Variants in RNF207 observed in about 807,000 individuals in gnomAD.
RNF207 encodes the protein ring finger protein 207.
Under a neutral mutation model 79.0 loss-of-function variants are expected in RNF207, and 72 were observed. That is an observed-to-expected ratio of 0.91 (90% CI 0.75 to 1.11). The LOEUF (loss-of-function observed/expected upper bound fraction) is 1.11, where lower values mean the gene tolerates loss of function less well. Ranked by LOEUF, RNF207 falls within the 50% of genes least tolerant of loss-of-function variation. The pLI, the probability that RNF207 is intolerant of heterozygous loss-of-function variation, is 0.00. For missense variants in RNF207, 936 were observed against 855.8 expected (o/e 1.09, Z -1.17); for synonymous variants, 348 against 366.2 (o/e 0.95, Z 0.57).
At chr1:6,208,653 C>A in intron 3 of RNF207, 1 of 543,194 alleles carries the variant, frequency 1.8e-6, no homozygotes, top group Non-Finnish European at 3.2e-6. Flanking sequence ...TCCCCGCGTC[C>A]CCCACCCCCC....
chr1:6,219,263 G>A lies in RNF207; in HGVS notation c.1761G>A (p.Lys587=), dbSNP rs1018053922. 3 of 1,612,050 alleles carry A rather than the reference G, an allele frequency of 1.9e-6. No individual in the cohort carries two copies. Among genetic ancestry groups the A allele is most frequent in the Admixed American group, 1.7e-5 (1 of 59,522 alleles). Reference sequence around the variant, plus strand: ...ATAATCCAGGAAGTGTCCCGGAAAAGAGAGAGAAGACATCAGAGCCTAAAG... The same window carrying A: ...ATAATCCAGGAAGTGTCCCGGAAAAAAGAGAGAAGACATCAGAGCCTAAAG... ...ARNNPGSVPE[K]REKTSEPKGN... Residue 587 remains lysine, a synonymous_variant, in exon 18 of 18, where the codon AAG becomes AAA. Transcript: ENST00000377939.
In RNF207 at chr1:6,221,284, A is replaced by T. The variant is rs545214391; in HGVS notation, c.*1877A>T. 1 of 152,792 alleles carries T rather than the reference A, an allele frequency of 6.5e-6. No homozygotes were observed. Among genetic ancestry groups the T allele is most frequent in the South Asian group, 2.1e-4 (1 of 4,834 alleles). The allele number at this position is 152,792 out of a possible 1,614,324, so 9.5% of individuals were successfully genotyped here. The stretch of plus-strand genomic sequence containing the variant: ...TCCAATTTAGAATATTTAAATAAAC[A>T]TTTATGTAAAAAGAAGAGTAGAATA... On this transcript the variant is annotated 3_prime_UTR_variant, in exon 18 of 18. Coordinates refer to ENST00000377939, the MANE Select transcript of RNF207 (RefSeq NM_207396.3).
chr1:6,210,684 G>A (rs906913088), intron 10 of RNF207, 186 bp from the exon 11 acceptor site: 47 of 661,320 alleles, frequency 7.1e-5, no homozygotes, highest in Non-Finnish European at 1.1e-4. Flanking sequence ...GAGTCCAGCC[G>A]CCCCCTCTCC....
rs771789696 is a variant in RNF207 at position 6,210,215 on chromosome 1, T to G, written c.801-8T>G. 6.2e-7 allele frequency: 1 copy of G among 1,608,168 alleles called. No homozygotes were observed. Among genetic ancestry groups the G allele is most frequent in the South Asian group, 1.1e-5 (1 of 90,770 alleles). The stretch of plus-strand genomic sequence containing the variant: ...CCCCCTGGAAACCAGGCAGCCCCCC[T>G]CCCCCAGCCAATACGAAGAGAAGGA... On this transcript the variant is annotated splice_region_variant and splice_polypyrimidine_tract_variant and intron_variant, in intron 8 of 17. Coordinates refer to ENST00000377939, the MANE Select transcript of RNF207 (RefSeq NM_207396.3).
chr1:6,215,940 G>C lies in RNF207; in HGVS notation c.1653-2349G>C, dbSNP rs537702842. Among the ~76,000 whole-genome samples, 545 of 152,356 alleles carry C rather than the reference G, an allele frequency of 3.6e-3. 3 individuals are homozygous for C. The highest frequency in any genetic ancestry group is 0.013 in the African/African-American group (530 of 41,578). ...CAGGGCTGGAGCCATGAGGCAGATC[G>C]GAAGCTCTGAGCACAAGGGTGGTAC... is the stretch of plus-strand genomic sequence containing the variant. On this transcript the variant is annotated intron_variant, in intron 16 of 17. Transcript: ENST00000377939.
rs1668082920 is a variant in RNF207, at chr1:6,209,839, A to G, written c.754-85A>G. 7.2e-6 allele frequency: 10 copies of G among 1,391,316 alleles called. No individual in the cohort carries two copies. The East Asian group carries it at 2.3e-4, about 32-fold the overall frequency. The allele number at this position is 1,391,316 out of a possible 1,614,324, so 86.2% of individuals were successfully genotyped here. ...TGGAGAGATACCTAGTGTAACCAGC[A>G]GGTGGCTGGGGTCCGGGGGGTAGGC... On this transcript the variant is annotated intron_variant, in intron 7 of 17. Transcript: ENST00000377939.
Position 6,207,823 on chromosome 1 carries a change from G to A in RNF207, c.324+312G>A. Reference sequence around the variant, plus strand: ...ACAGGAGGGGCAGTCCAGTTTGCAGGCCTGGGCCGACCCTGAAGGGCCTCT... The same window carrying A: ...ACAGGAGGGGCAGTCCAGTTTGCAGACCTGGGCCGACCCTGAAGGGCCTCT... On this transcript the variant is annotated intron_variant, in intron 3 of 17. Transcript: ENST00000377939. The surrounding 1 kb of genome is among the most constrained non-coding windows in gnomAD (Gnocchi z 4.5). The A allele has an allele frequency of 1.8e-6, 1 of 566,404 alleles. No individual in the cohort carries two copies. The highest frequency in any genetic ancestry group is 3.3e-6 in the Non-Finnish European group (1 of 299,934). 35.1% of individuals were successfully genotyped at this position (566,404 alleles called of 1,614,324 possible). A position where few individuals can be genotyped will look rare whatever the true frequency, so the allele number is the denominator to read the frequency against.
At chr1:6,209,077 C>T in intron 4 of RNF207, 38 bp from the exon 5 acceptor site, 1 of 1,545,868 alleles carries the variant, frequency 6.5e-7, no homozygotes, top group Non-Finnish European at 8.7e-7. Context: ...GGGGCGGGCA[C>T]TGACCGGAGC....
rs757796440 is a variant in RNF207 at position 6,212,044 on chromosome 1, C to G, written c.1287C>G (p.Asp429Glu). Residue 429 changes from aspartate to glutamate, a missense_variant, in exon 13 of 18, where the codon GAC (aspartate) becomes GAG (glutamate). Transcript: ENST00000377939. ...PFAEHCRHYEDSYRHLQAEMQ... is the reference protein window; with the variant it reads ...PFAEHCRHYEESYRHLQAEMQ... ...CAGAGCACTGCCGCCACTATGAGGACTCCTACCGGGTGAGGGGGCAGGGAT... is the reference window on the plus strand; with the variant it reads ...CAGAGCACTGCCGCCACTATGAGGAGTCCTACCGGGTGAGGGGGCAGGGAT... 1 of 1,599,888 alleles carries G rather than the reference C, an allele frequency of 6.3e-7. No individual in the cohort carries two copies. The highest frequency in any genetic ancestry group is 1.1e-5 in the South Asian group (1 of 89,246).
At chr1:6,209,061 GGGGGC>G in intron 4 of RNF207, 36 bp downstream of exon 4, 5 of 1,537,550 alleles carry the variant, frequency 3.3e-6, no homozygotes, top group Non-Finnish European at 4.4e-6. Flanking sequence ...ACTTGGGGGT[GGGGGC>G]GGGGCGGGCA....
chr1:6,218,142 C>T (rs1169795775), intron 16 of RNF207, 147 bp from the exon 17 acceptor site: 11 of 618,872 alleles, frequency 1.8e-5, no homozygotes, highest in Non-Finnish European at 2.0e-5. Context: ...AACCACTGGA[C>T]CTTAGTAAAT....
chr1:6,206,674 G>T lies in RNF207; in HGVS notation c.139G>T (p.Gly47Cys). 1 of 1,605,894 alleles carries T rather than the reference G, an allele frequency of 6.2e-7. No individual in the cohort carries two copies. The highest frequency in any genetic ancestry group is 2.2e-5 in the East Asian group (1 of 44,860). The change falls in exon 2 of 18, where the codon GGC (glycine) becomes TGC (cysteine). Residue 47 changes from glycine to cysteine, a missense_variant. Gly to Cys is a radical substitution (Grantham distance 159). Transcript: ENST00000377939. ...GGACTGTTTCCACGACTTCTGTGCC[G>T]GCTGCCTGCGTGGCCGCGCGACCGA... ...LLDCFHDFCA[G>C]CLRGRATDGR... is the part of the protein sequence containing the mutation.
intron 10 of RNF207, 103 bp downstream of exon 10, chr1:6,210,541 G>A: frequency 1.1e-6 from 1 of 879,812 alleles, no homozygotes; most frequent in South Asian, 1.6e-5. Flanking sequence ...CCTGGAGCCT[G>A]GACCAGGGAT....
chr1:6,211,774 G>C lies in RNF207; in HGVS notation c.1110-93G>C. ...TGCTCCAGGTGGTGGAGAGGGCTGT[G>C]AGATCCCGGAGCAGTCCAGGGGGCT... On this transcript the variant is annotated intron_variant, in intron 12 of 17. Coordinates refer to ENST00000377939, the MANE Select transcript of RNF207 (RefSeq NM_207396.3). The surrounding 1 kb of genome is among the most constrained non-coding windows in gnomAD (Gnocchi z 4.2). 1.1e-6 allele frequency: 1 copy of C among 876,194 alleles called. No individual in the cohort carries two copies. The highest frequency in any genetic ancestry group is 1.7e-6 in the Non-Finnish European group (1 of 572,386). The allele number at this position is 876,194 out of a possible 1,614,324, so 54.3% of individuals were successfully genotyped here.
chr1:6,218,403 G>A lies in RNF207; in HGVS notation c.1733+34G>A, dbSNP rs774631258. 45 of 1,495,628 alleles carry A rather than the reference G, an allele frequency of 3.0e-5. 1 individual carries two copies. The highest frequency in any genetic ancestry group is 1.6e-4 in the East Asian group (7 of 44,288). The allele number at this position is 1,495,628 out of a possible 1,614,324, so 92.6% of individuals were successfully genotyped here. On this transcript the variant is annotated intron_variant, in intron 17 of 17. Transcript: ENST00000377939. ...AGTCTCTCCACTGGAGAGTGTGCAC[G>A]CGATGTGGCTTCTGAGGCCAACAGG... is the stretch of plus-strand genomic sequence containing the variant.
Position 6,211,902 on chromosome 1 carries a change from G to T in RNF207, c.1145G>T (p.Gly382Val), listed in dbSNP as rs1438777755. 3.9e-6 allele frequency: 6 copies of T among 1,549,920 alleles called. No individual in the cohort carries two copies. Among genetic ancestry groups the T allele is most frequent in the Non-Finnish European group, 5.2e-6 (6 of 1,147,084 alleles). The change falls in exon 13 of 18, where the codon GGG becomes GTG. Residue 382 changes from glycine to valine, a missense_variant. By Grantham distance (109) the Gly-to-Val change is moderately radical. Transcript: ENST00000377939. This position sits in a 1 kb window ranked among gnomAD's most constrained non-coding sequence, Gnocchi z 4.2. Reference protein sequence around the residue: ...AGGLGPKALTGPHCPSPVGKM... With the variant: ...AGGLGPKALTVPHCPSPVGKM... ...GGCTTAGGCCCCAAGGCGCTGACGG[G>T]GCCCCACTGCCCCTCCCCAGTAGGA...
Position 6,218,331 on chromosome 1 carries a change from C to A in RNF207, c.1695C>A (p.Asn565Lys). 5 of 1,614,060 alleles carry A rather than the reference C, an allele frequency of 3.1e-6. No individual in the cohort carries two copies. The highest frequency in any genetic ancestry group is 4.2e-6 in the Non-Finnish European group (5 of 1,179,912). Residue 565 changes from asparagine (N) to lysine (K), a missense_variant, in exon 17 of 18, where the codon AAC becomes AAA. Transcript: ENST00000377939. Reference protein sequence around the residue: ...PVDEQSESLQNTHDDSRNNAA... With the variant: ...PVDEQSESLQKTHDDSRNNAA... ...ATGAGCAGTCAGAGAGTCTACAGAA[C>A]ACGCACGACGACAGCAGGAACAACG... is the stretch of plus-strand genomic sequence containing the variant.
Position 6,206,558 on chromosome 1 carries a change from C to T in RNF207, c.23C>T (p.Pro8Leu), listed in dbSNP as rs1238732878. The T allele has an allele frequency of 5.0e-6, 8 of 1,591,908 alleles. No individual in the cohort carries two copies. The Admixed American group carries it at 1.4e-4, about 27-fold the overall frequency. MSGAIFGPLEGPSSLDAP... is the reference protein window; with the variant it reads MSGAIFGLLEGPSSLDAP... ...CAGATGTCGGGAGCTATCTTCGGGCCCCTGGAGGGCCCGAGCTCCCTGGAT... is the reference window on the plus strand; with the variant it reads ...CAGATGTCGGGAGCTATCTTCGGGCTCCTGGAGGGCCCGAGCTCCCTGGAT... The change falls in exon 2 of 18, where the codon CCC becomes CTC. Residue 8 changes from proline to leucine, a missense_variant. By Grantham distance (98) the Pro-to-Leu change is moderately conservative. Transcript: ENST00000377939.
Position 6,213,169 on chromosome 1 carries a change from G to A in RNF207, c.1638G>A (p.Glu546=). ...TCCGCTCCATTGCCAAGGTGAAGGA[G>A]CGGCTGGAGCCCAGGTGAGGCCAAG... is the stretch of plus-strand genomic sequence containing the variant. The part of the protein sequence containing the change: ...PYVRSIAKVK[E]RLEPRFQAPV... The change falls in exon 16 of 18, where the codon GAG becomes GAA. Residue 546 remains glutamate, a synonymous_variant. Transcript: ENST00000377939. The A allele has an allele frequency of 1.2e-6, 2 of 1,611,752 alleles. No individual in the cohort carries two copies. Among genetic ancestry groups the A allele is most frequent in the Non-Finnish European group, 1.7e-6 (2 of 1,178,560 alleles).
Sources: allele counts gnomAD v4.1 joint callset (sites outside exome capture counted in the v4.1 genomes callset), GRCh38; gene constraint gnomAD v4.1.1; non-coding constraint Gnocchi (gnomAD v3.1); transcripts MANE v1.5; gene names NCBI Gene and HGNC (gene_info 2026-07-23, HGNC 2026-07-21).